The following JMJD1C variants were observed in gnomAD, a reference collection of about 807,000 sequenced individuals.
JMJD1C encodes the protein jumonji domain containing 1C.
A neutral mutation model predicts 245.3 loss-of-function variants in JMJD1C; 31 were observed. The ratio of observed to expected loss-of-function variants is 0.13; its 90% confidence interval spans 0.09 to 0.17. The LOEUF is 0.17. JMJD1C is among the 10% of genes least tolerant of loss of function. The pLI is 1.00. For missense variants in JMJD1C, 2,691 were observed against 3,000.2 expected, an observed-to-expected ratio of 0.90 and a Z score of 2.41; for synonymous variants, 1,057 against 1,017.4, an observed-to-expected ratio of 1.04 and a Z score of -0.74.
At chr10:63,229,931 T>G (rs946606664) in intron 3 of JMJD1C, among the ~76,000 whole-genome samples, 1 of 152,218 alleles carries the variant, frequency 6.6e-6, no homozygotes, top group Admixed American at 6.5e-5. Flanking sequence ...AGGTTTAGGT[T>G]TTTTTCCTAA....
intron 1 of JMJD1C, among the ~76,000 whole-genome samples, chr10:63,400,515 T>C (rs1225965413): frequency 6.6e-6 from 1 of 152,166 alleles, no homozygotes; most frequent in Non-Finnish European, 1.5e-5. Flanking sequence ...TTCATTGATT[T>C]CTGCTCTTTA....
chr10:63,228,061 C>CCGTA (rs1383705377), intron 3 of JMJD1C, among the ~76,000 whole-genome samples: 3 of 152,138 alleles, frequency 2.0e-5, no homozygotes, highest in Admixed American at 6.5e-5. Flanking sequence ...AATGAAGGTA[C>CCGTA]CGCTGAAGGC....
At position 63,185,638 on chromosome 10, in the gene JMJD1C, T is replaced by C; in HGVS notation, c.6755A>G (p.Lys2252Arg). 6.3e-7 allele frequency: 1 copy of C among 1,598,330 alleles called. No homozygotes were observed. Among genetic ancestry groups the C allele is most frequent in the South Asian group, 1.1e-5 (1 of 90,740 alleles). The change falls in exon 20 of 26, where the codon AAG becomes AGG. Residue 2252 changes from lysine to arginine, a missense_variant. This residue lies in a region of JMJD1C where 232 missense variants were observed against 416.1 expected (regional missense o/e 0.56). Coordinates refer to ENST00000399262, the MANE Select transcript of JMJD1C (RefSeq NM_032776.3). ...FEEVSKRQKN[K>R]SGETVVLKLK... ...TTTTAAAACAACTGTTTCTCCACTC[T>C]TGTTTTTCTGCCGTTCTATAAGGAA...
chr10:63,257,436 T>C (rs1457427501), intron 3 of JMJD1C, among the ~76,000 whole-genome samples: 1 of 152,134 alleles, frequency 6.6e-6, no homozygotes, highest in East Asian at 1.9e-4. Context: ...AGGGCTTGAT[T>C]CGTTTAATGT....
chr10:63,274,428 G>C (rs940390473), intron 2 of JMJD1C, among the ~76,000 whole-genome samples: 2 of 151,846 alleles, frequency 1.3e-5, no homozygotes, highest in African/African-American at 4.8e-5. Context: ...AGCCAGGTGT[G>C]GTGGCACGCA....
At chr10:63,477,553 C>T in intron 1 of JMJD1C, among the ~76,000 whole-genome samples, 1 of 126,676 alleles carries the variant, frequency 7.9e-6, no homozygotes, top group East Asian at 2.3e-4. Flanking sequence ...ATCCATATGT[C>T]AAAAAAAAAA....
intron 2 of JMJD1C, among the ~76,000 whole-genome samples, chr10:63,360,773 T>A (rs1346314083): frequency 6.6e-6 from 1 of 152,038 alleles, no homozygotes; most frequent in East Asian, 1.9e-4. Flanking sequence ...TAAACCTGAT[T>A]TTAAAAGTAT....
At position 63,394,202 on chromosome 10, in the gene JMJD1C, AAG is replaced by A. The variant is rs200410830; in HGVS notation, c.169-13722_169-13721del. ...ACTCCGTCTCCAAAAAAAAAAAAAA[AAG>A]GCTACAATAAAGGTATATGGCATCA... On this transcript the variant is annotated intron_variant, in intron 1 of 25. Transcript: ENST00000399262. 7.4e-4 allele frequency among the ~76,000 whole-genome samples: 112 copies of A among 150,560 alleles called. 1 individual carries two copies. The highest frequency in any genetic ancestry group is 2.5e-3 in the African/African-American group (100 of 40,272).
intron 1 of JMJD1C, chr10:63,428,060 A>T: frequency 1.7e-6 from 1 of 578,936 alleles, no homozygotes; most frequent in South Asian, 2.0e-5. Flanking sequence ...AAATACACAC[A>T]ACACACATAT....
At chr10:63,336,319 A>G (rs1470751393) in intron 2 of JMJD1C, among the ~76,000 whole-genome samples, 2 of 151,682 alleles carry the variant, frequency 1.3e-5, no homozygotes, top group South Asian at 2.1e-4. Context: ...TTAGCTGGAC[A>G]TGGTGGGATG....
intron 3 of JMJD1C, among the ~76,000 whole-genome samples, chr10:63,263,076 T>C (rs966520986): frequency 6.6e-6 from 1 of 152,120 alleles, no homozygotes. Context: ...TCTAACTGAC[T>C]GGGGGAAATG....
chr10:63,361,719 T>TAACAAAAAA (rs1945347459), intron 2 of JMJD1C, among the ~76,000 whole-genome samples: 1 of 95,606 alleles, frequency 1.0e-5, no homozygotes, highest in Non-Finnish European at 2.0e-5. Context: ...CTGTCTCAAC[T>TAACAAAAAA]AAAAAAAAAA....
chr10:63,473,205 T>G (rs1468212513), intron 1 of JMJD1C, among the ~76,000 whole-genome samples: 1 of 152,152 alleles, frequency 6.6e-6, no homozygotes, highest in African/African-American at 2.4e-5. Flanking sequence ...AAGGATATGG[T>G]AAAACAAATG....
intron 3 of JMJD1C, chr10:63,222,695 G>C: frequency 6.5e-7 from 1 of 1,539,120 alleles, no homozygotes; most frequent in African/African-American, 1.4e-5. Flanking sequence ...TGGTACCAAA[G>C]AAGCAGCAGC....
At chr10:63,307,818 A>G (rs939905688) in intron 2 of JMJD1C, among the ~76,000 whole-genome samples, 2 of 152,114 alleles carry the variant, frequency 1.3e-5, no homozygotes, top group African/African-American at 4.8e-5. Flanking sequence ...AGAAAACCCA[A>G]GGCCATTTCT....
At chr10:63,331,826 G>T (rs918424745) in intron 2 of JMJD1C, among the ~76,000 whole-genome samples, 1 of 152,052 alleles carries the variant, frequency 6.6e-6, no homozygotes, top group African/African-American at 2.4e-5. Context: ...CGCCATACTG[G>T]CCGGCCTGGT....
intron 1 of JMJD1C, among the ~76,000 whole-genome samples, chr10:63,515,079 G>T (rs35386465): frequency 6.6e-6 from 1 of 152,018 alleles, no homozygotes; most frequent in East Asian, 1.9e-4. Flanking sequence ...TCTAGACTGT[G>T]ACCTTCCACC....
At chr10:63,511,560 A>C (rs578147599) in intron 1 of JMJD1C, among the ~76,000 whole-genome samples, 1 of 152,270 alleles carries the variant, frequency 6.6e-6, no homozygotes, top group South Asian at 2.1e-4. Context: ...AAATACAAAA[A>C]TTAGCCGGGC....
At chr10:63,504,362 T>C (rs990749576) in intron 1 of JMJD1C, among the ~76,000 whole-genome samples, 2 of 152,056 alleles carry the variant, frequency 1.3e-5, no homozygotes, top group Non-Finnish European at 2.9e-5. Context: ...CAGGAGTGAT[T>C]AGGTGGTTAG....
Sources: gnomAD v4.1 joint callset for allele counts (sites outside exome capture counted in the v4.1 genomes callset) on GRCh38, gnomAD v4.1.1 for gene constraint, gnomAD v4.1.1 regional missense constraint, MANE v1.5 for transcripts, NCBI Gene and HGNC (gene_info 2026-07-23, HGNC 2026-07-21) for gene names.